CDYL: variants seen among roughly 807,000 people sequenced by gnomAD.
The protein encoded by CDYL is chromodomain Y-like protein.
Under a neutral mutation model 47.3 loss-of-function variants are expected in CDYL, and 8 were observed. The observed-to-expected ratio is 0.17, with a 90% CI of 0.10 to 0.31. The LOEUF is 0.31. Among genes scored for constraint, CDYL ranks in the 10% least tolerant of loss-of-function variants. CDYL has a pLI of 1.00. For missense variants in CDYL, 471 were observed against 701.4 expected (o/e 0.67, Z 3.71); for synonymous variants, 266 against 265.0 (o/e 1.00, Z -0.04).
chr6:4,900,819 A>ATATATC (rs1561697694), intron 2 of CDYL, among the ~76,000 whole-genome samples: 3 of 85,134 alleles, frequency 3.5e-5, no homozygotes, highest in African/African-American at 8.1e-5. Flanking sequence ...ATATATATAT[A>ATATATC]TATATATATA....
In CDYL at chr6:4,891,867, C is replaced by T. The variant is rs766462758; in HGVS notation, c.179C>T (p.Thr60Met). ...EYIHDFNRRHTEKQKESTLTR... is the reference protein window; with the variant it reads ...EYIHDFNRRHMEKQKESTLTR... Reference sequence around the variant, plus strand: ...ATCCACGACTTCAACAGACGCCACACGGAGAAGCAGAAGGAGAGCACATTG... The same window carrying T: ...ATCCACGACTTCAACAGACGCCACATGGAGAAGCAGAAGGAGAGCACATTG... Residue 60 changes from threonine (T) to methionine (M), a missense_variant, in exon 2 of 7, where the codon ACG becomes ATG. Physicochemically the swap from Thr to Met is moderately conservative, Grantham distance 81. Around this residue, in one of 3 missense-constraint regions of CDYL, gnomAD observed 311 missense variants for 350.0 expected, o/e 0.89. Transcript: ENST00000397588. 24 of 1,613,998 alleles carry T rather than the reference C, an allele frequency of 1.5e-5. No homozygotes were observed. The highest frequency in any genetic ancestry group is 1.6e-4 in the Middle Eastern group (1 of 6,084).
intron 2 of CDYL, among the ~76,000 whole-genome samples, chr6:4,909,364 C>G (rs77014551): frequency 6.6e-6 from 1 of 152,158 alleles, no homozygotes; most frequent in Admixed American, 6.5e-5. Context: ...GAAAGCCATG[C>G]CCTCCCCTTT....
intron 1 of CDYL, among the ~76,000 whole-genome samples, chr6:4,828,881 A>G (rs1760056003): frequency 6.6e-6 from 1 of 151,178 alleles, no homozygotes; most frequent in African/African-American, 2.5e-5. Context: ...TTTTTCTGTT[A>G]AAAACTTTCT....
Position 4,913,109 on chromosome 6 carries a change from A to G in CDYL, c.691+20730A>G, listed in dbSNP as rs529485175. Among the ~76,000 whole-genome samples the G allele has an allele frequency of 2.4e-4, 37 of 152,302 alleles. 1 individual carries two copies. The South Asian group carries it at 6.4e-3, about 26-fold the overall frequency. ...CTTGCAGATGTAGACCAGCATTACT[A>G]AACTCTTAAAAGTTTGTTTCCCTGG... On this transcript the variant is annotated intron_variant, in intron 2 of 6. Transcript: ENST00000397588.
intron 3 of CDYL, among the ~76,000 whole-genome samples, chr6:4,756,573 C>CGTGTGTCTGTGTGTGTGTGT (rs1228739911): frequency 2.5e-4 from 31 of 125,236 alleles, no homozygotes; most frequent in African/African-American, 1.2e-3. Context: ...TTAAAATTAT[C>CGTGTGTCTGTGTGTGTGTGT]GTGTGTATGT....
At chr6:4,734,691 G>A in intron 2 of CDYL, 1 of 1,592,130 alleles carries the variant, frequency 6.3e-7, no homozygotes, top group Non-Finnish European at 8.6e-7. Context: ...GGATGGGGAT[G>A]GAGGGAAGAT....
At chr6:4,888,163 CTTTTG>C (rs1561687933) in intron 1 of CDYL, among the ~76,000 whole-genome samples, 2 of 151,884 alleles carry the variant, frequency 1.3e-5, no homozygotes, top group African/African-American at 4.8e-5. Flanking sequence ...CTTGTGATGT[CTTTTG>C]TTTTGGTATT....
At chr6:4,809,566 A>G (rs1288429077) in intron 1 of CDYL, among the ~76,000 whole-genome samples, 2 of 148,864 alleles carry the variant, frequency 1.3e-5, no homozygotes, top group African/African-American at 5.2e-5. Context: ...GATATTTTGT[A>G]TAGTAGGGGT....
intron 3 of CDYL, among the ~76,000 whole-genome samples, chr6:4,737,205 T>G (rs1477142224): frequency 6.6e-6 from 1 of 152,178 alleles, no homozygotes; most frequent in Non-Finnish European, 1.5e-5. Flanking sequence ...AAACCATATG[T>G]GACTTTAACT....
At chr6:4,740,880 G>A (rs561579322) in intron 3 of CDYL, among the ~76,000 whole-genome samples, 14 of 151,478 alleles carry the variant, frequency 9.2e-5, no homozygotes, top group African/African-American at 2.2e-4. Context: ...TCCGCCTCCT[G>A]GGTTTAAACG....
At chr6:4,812,237 CTG>C (rs1402732406) in intron 1 of CDYL, among the ~76,000 whole-genome samples, 1 of 152,216 alleles carries the variant, frequency 6.6e-6, no homozygotes, top group African/African-American at 2.4e-5. Context: ...AAAGATCACT[CTG>C]TGTGGTGTGT....
rs186174322 is a variant in CDYL at position 4,741,018 on chromosome 6, T to C, written c.186+6174T>C. Among the ~76,000 whole-genome samples, 125 of 152,162 alleles carry C rather than the reference T, an allele frequency of 8.2e-4. 1 individual carries two copies. The South Asian group carries it at 0.016, about 20-fold the overall frequency. On this transcript the variant is annotated intron_variant, in intron 3 of 8. Transcript: ENST00000328908. The stretch of plus-strand genomic sequence containing the variant: ...GCCAGGCTGGTCTCGAACTCCTGAC[T>C]TCAAGTGGGCCACCTGCCTCAGCCT...
chr6:4,774,176 T>C (rs1364683895), upstream of CDYL, among the ~76,000 whole-genome samples: 2 of 152,236 alleles, frequency 1.3e-5, no homozygotes, highest in Admixed American at 6.5e-5. Flanking sequence ...GTATTTGTAT[T>C]GGTCCATCAT....
intron 1 of CDYL, among the ~76,000 whole-genome samples, chr6:4,794,367 C>G (rs889356570): frequency 1.3e-5 from 2 of 152,114 alleles, no homozygotes; most frequent in African/African-American, 2.4e-5. Flanking sequence ...GCGGAGGCCA[C>G]TTGGCAGCAG....
rs112794140 is a variant in CDYL, at chr6:4,779,769, T to C, written c.24+2962T>C. Among the ~76,000 whole-genome samples, 1,461 of 152,302 alleles carry C rather than the reference T, an allele frequency of 9.6e-3. 23 individuals carry two copies. Among genetic ancestry groups the C allele is most frequent in the African/African-American group, 0.034 (1,394 of 41,566 alleles). ...CACGCTTCTAATGTAAAGGGCCAGA[T>C]AATACATATTTTAGACTTGTGGGTT... On this transcript the variant is annotated intron_variant, in intron 1 of 6. Transcript: ENST00000397588.
At chr6:4,715,702 TAC>T in intron 1 of CDYL, 1 of 1,584,918 alleles carries the variant, frequency 6.3e-7, no homozygotes, top group African/African-American at 1.4e-5. Context: ...TTTTCCCATG[TAC>T]TGTAGTAAAT....
rs182804648 is a variant in CDYL at position 4,804,479 on chromosome 6, A to G, written c.24+27672A>G. Among the ~76,000 whole-genome samples the G allele has an allele frequency of 4.7e-4, 72 of 152,298 alleles. 1 individual carries two copies. The East Asian group carries it at 9.3e-3, about 20-fold the overall frequency. ...ATAAAGACCTTTGTCTTACGACCGC[A>G]TCTCCAGGCCAGTGGCCTGGGAGCC... On this transcript the variant is annotated intron_variant, in intron 1 of 6. Transcript: ENST00000397588.
chr6:4,805,156 G>A (rs1759334666), intron 1 of CDYL, among the ~76,000 whole-genome samples: 1 of 152,196 alleles, frequency 6.6e-6, no homozygotes, highest in African/African-American at 2.4e-5. Flanking sequence ...ATGCTCATCA[G>A]TCAGTGAATT....
intron 2 of CDYL, among the ~76,000 whole-genome samples, chr6:4,909,746 T>A (rs1267609041): frequency 6.6e-6 from 1 of 151,940 alleles, no homozygotes; most frequent in African/African-American, 2.4e-5. Flanking sequence ...ATTTTTTTTT[T>A]TTTATTTTTA....
Sources: allele counts gnomAD v4.1 joint callset (sites outside exome capture counted in the v4.1 genomes callset), GRCh38; gene constraint gnomAD v4.1.1; regional missense constraint gnomAD v4.1.1; transcripts MANE v1.5; gene names NCBI Gene and HGNC (gene_info 2026-07-23, HGNC 2026-07-21).